Variants in LCMT1 observed in about 807,000 individuals in gnomAD.
The protein encoded by LCMT1 is [Phosphatase 2A protein]-leucine-carboxy methyltransferase 1.
A neutral mutation model predicts 47.7 loss-of-function variants in LCMT1; 32 were observed. That is an observed-to-expected ratio of 0.67 (90% confidence interval 0.51 to 0.90). The LOEUF (loss-of-function observed/expected upper bound fraction) is 0.90, where lower values mean the gene tolerates loss of function less well. LCMT1 is among the 40% of genes least tolerant of loss of function. The pLI is 0.00. For missense variants in LCMT1, 375 were observed against 415.2 expected (o/e 0.90, Z 0.84); for synonymous variants, 152 against 149.7 (o/e 1.02, Z -0.11).
At position 25,133,629 on chromosome 16, in the gene LCMT1, C is replaced by T. The variant is rs188679429; in HGVS notation, c.327+1106C>T. On this transcript the variant is annotated intron_variant, in intron 3 of 10. Coordinates refer to ENST00000399069, the MANE Select transcript of LCMT1 (RefSeq NM_016309.3). ...GGCCAGGCTGCTCACAATCTTCTGA[C>T]CTTGTGATCTGCCTACCTCGGCCTC... is the stretch of plus-strand genomic sequence containing the variant. 3.7e-3 allele frequency among the ~76,000 whole-genome samples: 545 copies of T among 149,212 alleles called. 5 individuals are homozygous for T. The highest frequency in any genetic ancestry group is 0.013 in the African/African-American group (512 of 40,772).
Position 25,178,223 on chromosome 16 carries a change from C to A in LCMT1, c.*200C>A, listed in dbSNP as rs1597613114. The stretch of plus-strand genomic sequence containing the variant: ...TCGTTGTTTAAATAAATCTCACTTG[C>A]CACCAGTCGCCTGTGGTTGGACCTC... On this transcript the variant is annotated 3_prime_UTR_variant, in exon 11 of 11. Coordinates refer to ENST00000399069, the MANE Select transcript of LCMT1 (RefSeq NM_016309.3). 3.6e-6 allele frequency: 2 copies of A among 563,210 alleles called. No homozygotes were observed. Among genetic ancestry groups the A allele is most frequent in the Non-Finnish European group, 6.2e-6 (2 of 323,586 alleles). The allele number at this position is 563,210 out of a possible 1,614,324, so 34.9% of individuals were successfully genotyped here. A position where few individuals can be genotyped will look rare whatever the true frequency, so the allele number is the denominator to read the frequency against.
intron 7 of LCMT1, among the ~76,000 whole-genome samples, chr16:25,168,245 C>T (rs371141447): frequency 2.0e-4 from 30 of 149,918 alleles, no homozygotes; most frequent in African/African-American, 7.4e-4. Context: ...GATGGAGTTT[C>T]ACCATGTTGG....
chr16:25,148,657 C>G (rs1241077819), intron 4 of LCMT1: 1 of 152,312 alleles, frequency 6.6e-6, no homozygotes, highest in Non-Finnish European at 1.5e-5. Flanking sequence ...AAAACATTGT[C>G]TGGGGCAGGA....
At chr16:25,171,409 C>T (rs568064327) in intron 9 of LCMT1, among the ~76,000 whole-genome samples, 8 of 151,846 alleles carry the variant, frequency 5.3e-5, no homozygotes, top group African/African-American at 9.7e-5. Flanking sequence ...AAGACTGCTT[C>T]TCAAAAAAAC....
chr16:25,121,235 C>G (rs1280655309), intron 1 of LCMT1, among the ~76,000 whole-genome samples: 1 of 151,506 alleles, frequency 6.6e-6, no homozygotes, highest in African/African-American at 2.4e-5. Context: ...CATGGTGAAA[C>G]CCCGTCTCTA....
At chr16:25,163,530 T>A (rs1473257250) in intron 6 of LCMT1, among the ~76,000 whole-genome samples, 1 of 152,068 alleles carries the variant, frequency 6.6e-6, no homozygotes, top group African/African-American at 2.4e-5. Context: ...AATCATTCAT[T>A]TGTCTATTCA....
At chr16:25,134,875 A>T (rs1960458001) in intron 3 of LCMT1, among the ~76,000 whole-genome samples, 2 of 152,176 alleles carry the variant, frequency 1.3e-5, no homozygotes, top group African/African-American at 4.8e-5. Context: ...TGCTGAGATT[A>T]TGGGTATGAG....
At chr16:25,121,328 T>C (rs1019742481) in intron 1 of LCMT1, among the ~76,000 whole-genome samples, 27 of 152,012 alleles carry the variant, frequency 1.8e-4, no homozygotes, top group African/African-American at 6.3e-4. Context: ...GAGAATTGCT[T>C]GAACCTGGGA....
intron 10 of LCMT1, 23 bp from the exon 11 acceptor site, chr16:25,177,978 T>C: frequency 6.2e-7 from 1 of 1,612,358 alleles, no homozygotes; most frequent in Non-Finnish European, 8.5e-7. Context: ...CTCCTAATGG[T>C]GTCTGTGTGT....
chr16:25,146,223 T>C (rs1960846386), intron 4 of LCMT1: 1 of 152,314 alleles, frequency 6.6e-6, no homozygotes, highest in Non-Finnish European at 1.5e-5. Flanking sequence ...GCAGCTCTGC[T>C]GTCCACGAGG....
intron 3 of LCMT1, among the ~76,000 whole-genome samples, chr16:25,133,491 C>T (rs991291211): frequency 5.4e-5 from 8 of 147,498 alleles, no homozygotes; most frequent in Non-Finnish European, 8.9e-5. Context: ...CTCCACCTCC[C>T]GGGTTCAAGC....
chr16:25,134,014 G>C (rs939447043), intron 3 of LCMT1, among the ~76,000 whole-genome samples: 1 of 147,542 alleles, frequency 6.8e-6, no homozygotes, highest in Non-Finnish European at 1.5e-5. Flanking sequence ...CCTGGGCGAC[G>C]AGTGAGACTT....
intron 7 of LCMT1, among the ~76,000 whole-genome samples, chr16:25,165,523 T>C (rs1340193641): frequency 1.3e-5 from 2 of 151,348 alleles, no homozygotes; most frequent in Admixed American, 6.6e-5. Flanking sequence ...TTTTCTTTTT[T>C]TTTTTCTTTT....
chr16:25,169,468 A>G (rs1488006544), intron 8 of LCMT1: 8 of 343,116 alleles, frequency 2.3e-5, no homozygotes, highest in Middle Eastern at 8.2e-4. Context: ...GGTAGAGGGA[A>G]TGGTGAAATA....
chr16:25,155,761 G>T (rs781675585), intron 5 of LCMT1, among the ~76,000 whole-genome samples: 2 of 150,884 alleles, frequency 1.3e-5, no homozygotes, highest in Admixed American at 1.3e-4. Flanking sequence ...GCTCACTGCA[G>T]CCTTGAACTC....
At chr16:25,131,270 G>A (rs938059154) in intron 2 of LCMT1, among the ~76,000 whole-genome samples, 2 of 152,200 alleles carry the variant, frequency 1.3e-5, no homozygotes, top group Non-Finnish European at 2.9e-5. Context: ...TGCTTTTGAG[G>A]CAGATTTCCT....
rs1597575165 is a variant in LCMT1, at chr16:25,136,309, G to A, written c.327+3786G>A. Among the ~76,000 whole-genome samples the A allele has an allele frequency of 7.9e-5, 12 of 151,518 alleles. No individual in the cohort carries two copies. In the South Asian group the frequency reaches 2.5e-3, roughly 32 times the overall value. Reference sequence around the variant, plus strand: ...CCCCTTTGGGTGCCCCATTCCTCCTGCCCTGTGGCAGCTGTTCCCAGTCTC... The same window carrying A: ...CCCCTTTGGGTGCCCCATTCCTCCTACCCTGTGGCAGCTGTTCCCAGTCTC... On this transcript the variant is annotated intron_variant, in intron 3 of 10. Transcript: ENST00000399069.
At chr16:25,135,722 A>G (rs1186705742) in intron 3 of LCMT1, among the ~76,000 whole-genome samples, 2 of 152,122 alleles carry the variant, frequency 1.3e-5, no homozygotes, top group African/African-American at 4.8e-5. Flanking sequence ...GGAGCCCAAG[A>G]CTGTACAGTT....
At chr16:25,172,534 A>G (rs916133837) in intron 9 of LCMT1, among the ~76,000 whole-genome samples, 2 of 152,176 alleles carry the variant, frequency 1.3e-5, no homozygotes, top group Non-Finnish European at 2.9e-5. Flanking sequence ...TTTTTTTTGT[A>G]ATCACTCTGT....
Sources: gnomAD v4.1 joint callset for allele counts (sites outside exome capture counted in the v4.1 genomes callset) on GRCh38, gnomAD v4.1.1 for gene constraint, MANE v1.5 for transcripts, NCBI Gene and HGNC (gene_info 2026-07-23, HGNC 2026-07-21) for gene names.